The following TRAF3 variants were observed in gnomAD, a reference collection of about 807,000 sequenced individuals.
The protein encoded by TRAF3 is TNF receptor-associated factor 3.
Under a neutral mutation model 62.3 loss-of-function variants are expected in TRAF3, and 13 were observed. The observed-to-expected ratio is 0.21, with a 90% confidence interval of 0.14 to 0.33. The LOEUF (loss-of-function observed/expected upper bound fraction) is 0.33, where lower values mean the gene tolerates loss of function less well. Among genes scored for constraint, TRAF3 ranks in the 10% least tolerant of loss-of-function variants. TRAF3 has a pLI of 1.00. For missense variants in TRAF3, 440 were observed against 741.8 expected, an observed-to-expected ratio of 0.59 and a Z score of 4.73; for synonymous variants, 269 against 283.4, an observed-to-expected ratio of 0.95 and a Z score of 0.51.
chr14:102,838,949 C>A (rs187234605), intron 2 of TRAF3, among the ~76,000 whole-genome samples: 1 of 152,238 alleles, frequency 6.6e-6, no homozygotes, highest in East Asian at 1.9e-4. Flanking sequence ...ATTTAAAAAA[C>A]ACCTTTTTTG....
chr14:102,804,317 A>T (rs1408960801), intron 1 of TRAF3, among the ~76,000 whole-genome samples: 1 of 152,198 alleles, frequency 6.6e-6, no homozygotes, highest in Non-Finnish European at 1.5e-5. Flanking sequence ...CCCTTGCTCC[A>T]TGACTGACCT....
chr14:102,778,970 C>T (rs968939800), intron 1 of TRAF3, among the ~76,000 whole-genome samples: 5 of 152,120 alleles, frequency 3.3e-5, no homozygotes, highest in African/African-American at 1.2e-4. Flanking sequence ...TGTACCTTTT[C>T]GCCGCGTTGT....
intron 2 of TRAF3, among the ~76,000 whole-genome samples, chr14:102,864,827 A>G (rs1009089193): frequency 6.6e-6 from 1 of 152,150 alleles, no homozygotes; most frequent in South Asian, 2.1e-4. Flanking sequence ...AACCTGGGGC[A>G]GATTCGCCTC....
chr14:102,828,569 C>G (rs1566760315), intron 1 of TRAF3, among the ~76,000 whole-genome samples: 2 of 152,142 alleles, frequency 1.3e-5, no homozygotes, highest in African/African-American at 4.8e-5. Context: ...GTTTTCATCT[C>G]TGTGTTCAGA....
chr14:102,858,478 A>G (rs866390187), intron 2 of TRAF3, among the ~76,000 whole-genome samples: 1 of 152,172 alleles, frequency 6.6e-6, no homozygotes, highest in South Asian at 2.1e-4. Context: ...TAATGTCACA[A>G]TCTCCAAAGT....
At chr14:102,816,907 G>A (rs1004096760) in intron 1 of TRAF3, among the ~76,000 whole-genome samples, 1 of 152,206 alleles carries the variant, frequency 6.6e-6, no homozygotes, top group Non-Finnish European at 1.5e-5. Context: ...TGTGGGTCGA[G>A]CTTTGGTGAG....
chr14:102,895,896 A>C (rs991470228), intron 9 of TRAF3, among the ~76,000 whole-genome samples: 9 of 152,180 alleles, frequency 5.9e-5, no homozygotes, highest in African/African-American at 9.7e-5. Context: ...CTCAGGCATC[A>C]GCTCTGCCTC....
rs189964138 is a variant in TRAF3 at position 102,784,454 on chromosome 14, T to C, written c.-157+6779T>C. ...GCCAGGCTGGTCTTGAACTCCTGAC[T>C]TCAGGTGATCTGCCCGCCTCGGCCT... On this transcript the variant is annotated intron_variant, in intron 1 of 11. Coordinates refer to ENST00000392745, the MANE Select transcript of TRAF3 (RefSeq NM_145725.3). Among the ~76,000 whole-genome samples the C allele has an allele frequency of 8.4e-4, 127 of 152,074 alleles. 3 individuals carry two copies. The East Asian group carries it at 0.022, about 26-fold the overall frequency.
At chr14:102,890,619 T>G (rs990392154) in intron 8 of TRAF3, among the ~76,000 whole-genome samples, 2 of 152,216 alleles carry the variant, frequency 1.3e-5, no homozygotes, top group Non-Finnish European at 2.9e-5. Context: ...TTAAAATGCT[T>G]TCTGTGGCTT....
chr14:102,859,340 T>C (rs1288605735), intron 2 of TRAF3, among the ~76,000 whole-genome samples: 5 of 152,210 alleles, frequency 3.3e-5, no homozygotes, highest in African/African-American at 1.2e-4. Context: ...TGTTTATTTT[T>C]AGTGAAAAAC....
Position 102,839,210 on chromosome 14 carries a change from C to CTTTT in TRAF3, c.-18+8763_-18+8766dup, listed in dbSNP as rs56998347. On this transcript the variant is annotated intron_variant, in intron 2 of 11. Transcript: ENST00000392745. ...GAGAGATGCTTATTGGTTGATTTGC[C>CTTTT]TTTTTTTTTTTTTTTTTTTTTTTTT... Among the ~76,000 whole-genome samples the CTTTT allele has an allele frequency of 2.4e-3, 218 of 89,806 alleles. 18 individuals are homozygous for CTTTT. The highest frequency in any genetic ancestry group is 7.3e-3 in the African/African-American group (164 of 22,566). 58.9% of individuals were successfully genotyped at this position (89,806 alleles called of 152,430 possible). A position where few individuals can be genotyped will look rare whatever the true frequency, so the allele number is the denominator to read the frequency against.
At chr14:102,889,463 C>G (rs1595399027) in intron 7 of TRAF3, 97 bp from the exon 8 acceptor site, 2 of 1,253,934 alleles carry the variant, frequency 1.6e-6, no homozygotes, top group African/African-American at 2.9e-5. Context: ...AAACACCATT[C>G]TTAATAGTAC....
In TRAF3 at chr14:102,903,751, G is replaced by A. The variant is rs1027599989; in HGVS notation, c.1135+322G>A. ...GACCCACAGGACAGGCCCAAGCGCAGATGGCAGAGGCCAGGACCTGCTGGT... is the reference window on the plus strand; with the variant it reads ...GACCCACAGGACAGGCCCAAGCGCAAATGGCAGAGGCCAGGACCTGCTGGT... On this transcript the variant is annotated intron_variant, in intron 11 of 11. Coordinates refer to ENST00000392745, the MANE Select transcript of TRAF3 (RefSeq NM_145725.3). The surrounding 1 kb of genome is among the most constrained non-coding windows in gnomAD (Gnocchi z 6.4). 4 of 512,506 alleles carry A rather than the reference G, an allele frequency of 7.8e-6. No individual in the cohort carries two copies. Among genetic ancestry groups the A allele is most frequent in the Non-Finnish European group, 3.8e-6 (1 of 264,384 alleles). The allele number at this position is 512,506 out of a possible 1,614,324, so 31.7% of individuals were successfully genotyped here.
intron 2 of TRAF3, among the ~76,000 whole-genome samples, chr14:102,869,944 A>G (rs999712075): frequency 6.6e-6 from 1 of 152,048 alleles, no homozygotes; most frequent in East Asian, 1.9e-4. Flanking sequence ...TTTATTAAGT[A>G]TACTTTTTAG....
At chr14:102,901,824 A>G (rs571559566) in intron 10 of TRAF3, among the ~76,000 whole-genome samples, 5 of 152,358 alleles carry the variant, frequency 3.3e-5, no homozygotes, top group African/African-American at 1.2e-4. Context: ...AGATGTTTAA[A>G]AATAGACTTC....
chr14:102,848,446 TC>T, intron 2 of TRAF3, among the ~76,000 whole-genome samples: 1 of 152,242 alleles, frequency 6.6e-6, no homozygotes, highest in East Asian at 1.9e-4. Flanking sequence ...ATAATAATAA[TC>T]TTTCATATGT....
At chr14:102,796,141 C>G (rs563741286) in intron 1 of TRAF3, among the ~76,000 whole-genome samples, 1 of 152,262 alleles carries the variant, frequency 6.6e-6, no homozygotes, top group South Asian at 2.1e-4. Context: ...TGCTTGAACC[C>G]GGGAGGTGGA....
At position 102,905,841 on chromosome 14, in the gene TRAF3, G is replaced by T. The variant is rs998752422; in HGVS notation, c.*57G>T. 16 of 1,505,848 alleles carry T rather than the reference G, an allele frequency of 1.1e-5. No homozygotes were observed. Among genetic ancestry groups the T allele is most frequent in the Non-Finnish European group, 1.5e-5 (16 of 1,092,606 alleles). The allele number at this position is 1,505,848 out of a possible 1,614,324, so 93.3% of individuals were successfully genotyped here. On this transcript the variant is annotated 3_prime_UTR_variant, in exon 12 of 12. Transcript: ENST00000392745. ...GCAACTCCTCTGGGGGATTTGAACCGGTCTGTCTTCACTGAGGTCCTCGCG... is the reference window on the plus strand; with the variant it reads ...GCAACTCCTCTGGGGGATTTGAACCTGTCTGTCTTCACTGAGGTCCTCGCG...
intron 2 of TRAF3, among the ~76,000 whole-genome samples, chr14:102,849,069 G>A (rs1391481070): frequency 6.6e-6 from 1 of 152,174 alleles, no homozygotes; most frequent in Non-Finnish European, 1.5e-5. Flanking sequence ...CCCAAAGTAT[G>A]CTGCAAGCTT....
Sources: allele counts gnomAD v4.1 joint callset (sites outside exome capture counted in the v4.1 genomes callset), GRCh38; gene constraint gnomAD v4.1.1; non-coding constraint Gnocchi (gnomAD v3.1); transcripts MANE v1.5; gene names NCBI Gene and HGNC (gene_info 2026-07-23, HGNC 2026-07-21).